The following MYPN variants were observed in gnomAD, a reference collection of about 807,000 sequenced individuals.
The protein encoded by MYPN is sarcomeric protein myopalladin, 145 kDa (MYOP).
Under a neutral mutation model 129.4 loss-of-function variants are expected in MYPN, and 63 were observed. The ratio of observed to expected loss-of-function variants is 0.49; its 90% CI spans 0.40 to 0.60. The LOEUF (loss-of-function observed/expected upper bound fraction) is 0.60, where lower values mean the gene tolerates loss of function less well. MYPN is among the 20% of genes least tolerant of loss of function. The probability of loss-of-function intolerance (pLI) is 0.00; values close to 1 mark genes in which losing one functional copy is unlikely to be tolerated. For synonymous variants in MYPN, 629 were observed against 600.9 expected (o/e 1.05, Z -0.68); for missense variants, 1,596 against 1,635.4 (o/e 0.98, Z 0.42).
rs1267411567 is a variant in MYPN at position 68,210,500 on chromosome 10, G to T, written c.*45G>T. On this transcript the variant is annotated 3_prime_UTR_variant, in exon 20 of 20. Coordinates refer to ENST00000358913, the MANE Select transcript of MYPN (RefSeq NM_032578.4). ...GTGTAAGAGAGCGGACTGTGGAGGG[G>T]GAATGAGAACAAGCCAGACTTGGTG... The T allele has an allele frequency of 6.2e-7, 1 of 1,609,268 alleles. No homozygotes were observed. Among genetic ancestry groups the T allele is most frequent in the African/African-American group, 1.3e-5 (1 of 74,976 alleles).
intron 15 of MYPN, 60 bp downstream of exon 15, chr10:68,195,592 G>A: frequency 7.6e-7 from 1 of 1,322,984 alleles, no homozygotes; most frequent in East Asian, 2.3e-5. Flanking sequence ...CCACTATCGT[G>A]AGCACCAAAG....
intron 2 of MYPN, chr10:68,136,705 C>T: frequency 2.6e-6 from 4 of 1,535,436 alleles, no homozygotes; most frequent in Non-Finnish European, 3.5e-6. Flanking sequence ...TATCCAATTG[C>T]TCATAGATGT....
chr10:68,166,564 G>A lies in MYPN; in HGVS notation c.1871G>A (p.Arg624Lys). Residue 624 changes from arginine to lysine, a missense_variant, in exon 10 of 20, where the codon AGG becomes AAG. Coordinates refer to ENST00000358913, the MANE Select transcript of MYPN (RefSeq NM_032578.4). ...EAGVVTTRQTRPDSFQERFNG... is the reference protein window; with the variant it reads ...EAGVVTTRQTKPDSFQERFNG... ...GGTGTGGTGACCACCAGACAGACCA[G>A]GCCCGATTCTTTCCAGGAGAGGTTC... is the stretch of plus-strand genomic sequence containing the variant. 6.2e-7 allele frequency: 1 copy of A among 1,614,128 alleles called. No homozygotes were observed. Among genetic ancestry groups the A allele is most frequent in the Non-Finnish European group, 8.5e-7 (1 of 1,180,016 alleles).
chr10:68,104,367 C>T (rs2041997189), upstream of MYPN, among the ~76,000 whole-genome samples: 1 of 152,142 alleles, frequency 6.6e-6, no homozygotes. Context: ...TTTTCCTACC[C>T]CTAACTTGTA....
rs1302154608 is a variant in MYPN, at chr10:68,110,191, GATT to G, written c.-2+470_-2+472del. Among the ~76,000 whole-genome samples, 5 of 152,172 alleles carry G rather than the reference GATT, an allele frequency of 3.3e-5. No homozygotes were observed. The Middle Eastern group carries it at 0.014, about 414-fold the overall frequency. Reference sequence around the variant, plus strand: ...TTAGTGTTGGGAGATCTGCTCCCTGGATTAATGTACACAACAGCTGCAGAAAGT... The same window carrying G: ...TTAGTGTTGGGAGATCTGCTCCCTGGAATGTACACAACAGCTGCAGAAAGT... On this transcript the variant is annotated intron_variant, in intron 1 of 19. Transcript: ENST00000358913.
chr10:68,142,821 G>T (rs973636177), intron 2 of MYPN, 119 bp from the exon 3 acceptor site: 7 of 987,172 alleles, frequency 7.1e-6, no homozygotes, highest in East Asian at 2.4e-5. Context: ...TAATGATGGA[G>T]TTTTTTGTTG....
upstream of MYPN, among the ~76,000 whole-genome samples, chr10:68,103,548 T>G (rs559495784): frequency 2.0e-5 from 3 of 152,354 alleles, no homozygotes; most frequent in East Asian, 3.9e-4. Context: ...AAAATCATGA[T>G]GAATTTCCTC....
chr10:68,095,838 G>A (rs751159591), intron 1 of MYPN, among the ~76,000 whole-genome samples: 1 of 152,088 alleles, frequency 6.6e-6, no homozygotes, highest in Admixed American at 6.6e-5. Flanking sequence ...GAGGTGGGTG[G>A]TGACAATGGC....
At position 68,094,495 on chromosome 10, in the gene MYPN, C is replaced by T. The variant is rs145555867; in HGVS notation, c.-2+6503C>T. On this transcript the variant is annotated intron_variant, in intron 1 of 6. Coordinates refer to the MYPN transcript ENST00000685154. ...CAGTCTGGTCTTCAACTCCTGACCT[C>T]AGGTGATCCATCCACCTCGGCTTCC... 2.9e-3 allele frequency among the ~76,000 whole-genome samples: 437 copies of T among 152,086 alleles called. 5 individuals carry two copies. Among genetic ancestry groups the T allele is most frequent in the African/African-American group, 0.01 (423 of 41,496 alleles).
At chr10:68,097,757 A>T (rs1489170148) in intron 1 of MYPN, among the ~76,000 whole-genome samples, 2 of 140,662 alleles carry the variant, frequency 1.4e-5, no homozygotes, top group African/African-American at 5.9e-5. Flanking sequence ...CTCTTTTATC[A>T]TCTTACTATA....
intron 13 of MYPN, among the ~76,000 whole-genome samples, chr10:68,189,581 C>T (rs2043478895): frequency 6.6e-6 from 1 of 152,188 alleles, no homozygotes; most frequent in Non-Finnish European, 1.5e-5. Flanking sequence ...AGATCATTTC[C>T]TTTAGCTCCC....
At chr10:68,143,238 A>C (rs950876166) in intron 3 of MYPN, 123 bp downstream of exon 3, 2 of 855,274 alleles carry the variant, frequency 2.3e-6, no homozygotes, top group Middle Eastern at 3.5e-4. Flanking sequence ...ACAGCAGTGA[A>C]CCGAGTAGAA....
chr10:68,143,335 G>T (rs890375946), intron 3 of MYPN, among the ~76,000 whole-genome samples: 2 of 152,074 alleles, frequency 1.3e-5, no homozygotes, highest in African/African-American at 2.4e-5. Context: ...TAAAATATAT[G>T]ATATGATAGG....
chr10:68,138,414 T>C (rs886951571), intron 2 of MYPN, among the ~76,000 whole-genome samples: 3 of 151,288 alleles, frequency 2.0e-5, no homozygotes, highest in Non-Finnish European at 4.4e-5. Flanking sequence ...TTTTTCTTTC[T>C]TGTTTCTTTC....
chr10:68,140,878 A>G (rs10997942), intron 2 of MYPN, among the ~76,000 whole-genome samples: 116,548 of 151,998 alleles, frequency 0.77, 44,826 homozygotes, highest in South Asian at 0.82. Flanking sequence ...TTCAAGACCA[A>G]CCTGGGAAAC....
intron 1 of MYPN, among the ~76,000 whole-genome samples, chr10:68,116,255 A>T (rs1486101851): frequency 6.7e-6 from 1 of 149,598 alleles, no homozygotes; most frequent in Non-Finnish European, 1.5e-5. Context: ...ATTAATGCTT[A>T]AAATAGAAAG....
chr10:68,128,613 A>G (rs2042362082), intron 2 of MYPN, among the ~76,000 whole-genome samples: 1 of 152,352 alleles, frequency 6.6e-6, no homozygotes, highest in Non-Finnish European at 1.5e-5. Context: ...TTCATGCAGC[A>G]TAGAGTATAG....
chr10:68,088,378 C>T (rs1482895372), intron 1 of MYPN, among the ~76,000 whole-genome samples: 3 of 152,112 alleles, frequency 2.0e-5, no homozygotes, highest in African/African-American at 7.2e-5. Context: ...ACTCAGTGGG[C>T]AACAGTCTGC....
rs562721206 is a variant in MYPN, at chr10:68,136,739, C to T, written c.903-6201C>T. On this transcript the variant is annotated intron_variant, in intron 2 of 19. Transcript: ENST00000358913. ...GTTTCCACTCTCATTTTGGTAAGGA[C>T]GAGAAATGTTCTCTAAATAATTTAG... 228 of 1,534,108 alleles carry T rather than the reference C, an allele frequency of 1.5e-4. 2 individuals are homozygous for T. In the East Asian group the frequency reaches 4.7e-3, roughly 32 times the overall value.
Sources: gnomAD v4.1 joint callset for allele counts (sites outside exome capture counted in the v4.1 genomes callset) on GRCh38, gnomAD v4.1.1 for gene constraint, MANE v1.5 for transcripts, NCBI Gene and HGNC (gene_info 2026-07-23, HGNC 2026-07-21) for gene names.